LARGE1: variants seen among roughly 807,000 people sequenced by gnomAD.
The protein encoded by LARGE1 is LARGE xylosyl- and glucuronyltransferase 1, also known as xylosyl- and glucuronyltransferase LARGE1.
A neutral mutation model predicts 87.6 loss-of-function variants in LARGE1; 43 were observed. The ratio of observed to expected loss-of-function variants is 0.49; its 90% CI spans 0.38 to 0.63. The LOEUF (loss-of-function observed/expected upper bound fraction) is 0.63. Among genes scored for constraint, LARGE1 ranks in the 30% least tolerant of loss-of-function variants. The probability of loss-of-function intolerance (pLI) is 0.00; values close to 1 mark genes in which losing one functional copy is unlikely to be tolerated. For synonymous variants in LARGE1, 434 were observed against 394.6 expected, an observed-to-expected ratio of 1.10 and a Z score of -1.18; for missense variants, 802 against 1,000.2, an observed-to-expected ratio of 0.80 and a Z score of 2.67.
At chr22:33,243,156 G>A (rs552389051) in intron 11 of LARGE1, among the ~76,000 whole-genome samples, 1 of 152,204 alleles carries the variant, frequency 6.6e-6, no homozygotes, top group Non-Finnish European at 1.5e-5. Context: ...GGGCAGTAGA[G>A]CTAATTCAAC....
chr22:33,107,870 AT>A, the LARGE1 span, among the ~76,000 whole-genome samples: 2 of 152,002 alleles, frequency 1.3e-5, no homozygotes, highest in African/African-American at 4.8e-5. Flanking sequence ...ATAAATAAAT[AT>A]TTTTAAAGGC....
chr22:33,160,521 A>G (rs1391908167), downstream of LARGE1, among the ~76,000 whole-genome samples: 1 of 152,216 alleles, frequency 6.6e-6, no homozygotes, highest in African/African-American at 2.4e-5. Flanking sequence ...TGTCATGAAA[A>G]TGGGATTAGA....
At chr22:33,799,586 A>T (rs1004389718) in intron 1 of LARGE1, among the ~76,000 whole-genome samples, 4 of 152,060 alleles carry the variant, frequency 2.6e-5, no homozygotes, top group Admixed American at 2.0e-4. Flanking sequence ...GATTACAGGC[A>T]TGCACCACCA....
At chr22:33,589,932 T>A (rs1436357208) in intron 5 of LARGE1, among the ~76,000 whole-genome samples, 1 of 151,836 alleles carries the variant, frequency 6.6e-6, no homozygotes, top group African/African-American at 2.4e-5. Context: ...TGGTCAAGAG[T>A]AGGGCCTGTG....
In LARGE1 at chr22:33,393,695, C is replaced by T. The variant is rs539650624; in HGVS notation, c.893-9391G>A. ...ATCCACCCATTCCCATCCTTGTCGTCGGGGTCTGGGAGCTTGGAGCAAGCC... is the reference window on the plus strand; with the variant it reads ...ATCCACCCATTCCCATCCTTGTCGTTGGGGTCTGGGAGCTTGGAGCAAGCC... On this transcript the variant is annotated intron_variant, in intron 7 of 14. Coordinates refer to ENST00000397394, the MANE Select transcript of LARGE1 (RefSeq NM_133642.5). Among the ~76,000 whole-genome samples the T allele has an allele frequency of 6.6e-5, 10 of 152,308 alleles. No individual in the cohort carries two copies. The East Asian group carries it at 9.7e-4, about 15-fold the overall frequency.
At chr22:33,347,090 A>C (rs1200088879) in intron 9 of LARGE1, among the ~76,000 whole-genome samples, 1 of 152,194 alleles carries the variant, frequency 6.6e-6, no homozygotes, top group East Asian at 1.9e-4. Flanking sequence ...TTCTCAGGTA[A>C]GAAATTCAAA....
At chr22:33,524,147 A>G (rs1328410562) in intron 6 of LARGE1, among the ~76,000 whole-genome samples, 1 of 151,836 alleles carries the variant, frequency 6.6e-6, no homozygotes, top group Admixed American at 6.6e-5. Flanking sequence ...AAAAATTAGC[A>G]GGGCGTGGTG....
chr22:33,867,493 C>T (rs184046833), intron 1 of LARGE1, among the ~76,000 whole-genome samples: 4 of 152,168 alleles, frequency 2.6e-5, no homozygotes, highest in African/African-American at 7.2e-5. Context: ...ACTCACCTGC[C>T]GGCCTGAGCA....
intron 2 of LARGE1, among the ~76,000 whole-genome samples, chr22:33,676,131 A>G (rs2081569904): frequency 2.0e-5 from 3 of 152,072 alleles, no homozygotes; most frequent in African/African-American, 7.2e-5. Flanking sequence ...TTTGCACAAA[A>G]CATCAAAAAG....
intron 11 of LARGE1, among the ~76,000 whole-genome samples, chr22:33,179,544 T>C (rs1923054547): frequency 1.3e-5 from 2 of 152,266 alleles, no homozygotes; most frequent in South Asian, 4.1e-4. Context: ...GACGCATAGG[T>C]ACTGTTTGGG....
At chr22:33,790,921 T>G (rs1184721501) in intron 1 of LARGE1, among the ~76,000 whole-genome samples, 1 of 152,222 alleles carries the variant, frequency 6.6e-6, no homozygotes, top group Non-Finnish European at 1.5e-5. Context: ...TTTTATTTTG[T>G]TTTTGCTTTA....
rs9609769 is a variant in LARGE1, at chr22:33,364,061, T to A, written c.1131+17858A>T. ...GTCAAAGTGCATCTTTGCTATATAT[T>A]TTTTTTTTTTTGAGACGGAGTCTCG... On this transcript the variant is annotated intron_variant, in intron 9 of 14. Transcript: ENST00000397394. Among the ~76,000 whole-genome samples, 159 of 81,272 alleles carry A rather than the reference T, an allele frequency of 2.0e-3. 11 individuals are homozygous for A. The highest frequency in any genetic ancestry group is 0.012 in the African/African-American group (76 of 6,300). 53.3% of individuals were successfully genotyped at this position (81,272 alleles called of 152,430 possible). A position where few individuals can be genotyped will look rare whatever the true frequency, so the allele number is the denominator to read the frequency against.
At chr22:33,615,348 C>T (rs1011878501) in intron 4 of LARGE1, among the ~76,000 whole-genome samples, 3 of 152,032 alleles carry the variant, frequency 2.0e-5, no homozygotes, top group South Asian at 2.1e-4. Flanking sequence ...CACAGCTTGA[C>T]ATAATTACCT....
chr22:33,632,376 G>A (rs886382743), intron 3 of LARGE1, among the ~76,000 whole-genome samples: 15 of 152,032 alleles, frequency 9.9e-5, no homozygotes, highest in Admixed American at 3.9e-4. Flanking sequence ...CGCCCACCTC[G>A]GCCTCCCAAA....
intron 6 of LARGE1, among the ~76,000 whole-genome samples, chr22:33,487,444 T>A (rs548126926): frequency 6.6e-6 from 1 of 152,294 alleles, no homozygotes; most frequent in East Asian, 1.9e-4. Context: ...CCTAAGGTCC[T>A]TCTCCCCAGT....
At position 33,606,304 on chromosome 22, in the gene LARGE1, C is replaced by T. The variant is rs1041618088; in HGVS notation, c.492-1746G>A. 2.0e-5 allele frequency among the ~76,000 whole-genome samples: 3 copies of T among 151,934 alleles called. No homozygotes were observed. In the East Asian group the frequency reaches 5.8e-4, roughly 30 times the overall value. On this transcript the variant is annotated intron_variant, in intron 4 of 14. Transcript: ENST00000397394. ...CCTGTAGTCCCAGCTACTTGGGAGG[C>T]TGAGGCAGGAAAATTGCTTGAATCT...
downstream of LARGE1, among the ~76,000 whole-genome samples, chr22:33,268,575 C>T (rs1240909631): frequency 6.6e-6 from 1 of 151,408 alleles, no homozygotes; most frequent in Non-Finnish European, 1.5e-5. Context: ...CTACTGGTGC[C>T]CGCCACCACG....
intron 2 of LARGE1, among the ~76,000 whole-genome samples, chr22:33,736,869 A>G (rs1158380472): frequency 1.3e-5 from 2 of 152,172 alleles, no homozygotes; most frequent in African/African-American, 2.4e-5. Context: ...AAGCCACCAT[A>G]TTTTAGATTC....
intron 11 of LARGE1, among the ~76,000 whole-genome samples, chr22:33,200,636 A>G (rs550505765): frequency 6.6e-6 from 1 of 152,368 alleles, no homozygotes; most frequent in Non-Finnish European, 1.5e-5. Flanking sequence ...TAATATATCC[A>G]TACAACCTGG....
Sources: allele counts gnomAD v4.1 joint callset (sites outside exome capture counted in the v4.1 genomes callset), GRCh38; gene constraint gnomAD v4.1.1; transcripts MANE v1.5; gene names NCBI Gene and HGNC (gene_info 2026-07-23, HGNC 2026-07-21).